The following PTPRE variants were observed in gnomAD, a reference collection of about 807,000 sequenced individuals.
PTPRE encodes protein tyrosine phosphatase receptor type E, also known as receptor-type tyrosine-protein phosphatase epsilon.
A neutral mutation model predicts 102.0 loss-of-function variants in PTPRE; 51 were observed. That is an observed-to-expected ratio of 0.50 (90% confidence interval 0.40 to 0.63). The LOEUF (loss-of-function observed/expected upper bound fraction) is 0.63. Among genes scored for constraint, PTPRE ranks in the 30% least tolerant of loss-of-function variants. The pLI, the probability that PTPRE is intolerant of heterozygous loss-of-function variation, is 0.00. For synonymous variants in PTPRE, 345 were observed against 348.2 expected (o/e 0.99, Z 0.10); for missense variants, 752 against 915.1 (o/e 0.82, Z 2.30).
chr10:128,025,226 CTT>C (rs1399376132), intron 2 of PTPRE, among the ~76,000 whole-genome samples: 8 of 149,720 alleles, frequency 5.3e-5, no homozygotes, highest in Non-Finnish European at 1.2e-4. Flanking sequence ...ATTGTTAACT[CTT>C]AGACATAATG....
intron 1 of PTPRE, among the ~76,000 whole-genome samples, chr10:127,922,374 C>T (rs550076259): frequency 6.6e-4 from 101 of 152,364 alleles, no homozygotes; most frequent in South Asian, 1.2e-3. Flanking sequence ...GAGGCAGTCC[C>T]GTAAGGGGCT....
chr10:127,999,512 C>A (rs953840158), intron 2 of PTPRE: 1 of 985,270 alleles, frequency 1.0e-6, no homozygotes, highest in Non-Finnish European at 1.2e-6. Flanking sequence ...CTGTTCCTCT[C>A]CGAGCTCAGT....
chr10:128,075,691 A>C (rs1851162009), intron 17 of PTPRE, among the ~76,000 whole-genome samples: 1 of 152,228 alleles, frequency 6.6e-6, no homozygotes, highest in African/African-American at 2.4e-5. Flanking sequence ...TGGTATTCTC[A>C]AGGTGTCCTA....
At chr10:127,993,603 G>C (rs546736083) in intron 2 of PTPRE, among the ~76,000 whole-genome samples, 1 of 152,216 alleles carries the variant, frequency 6.6e-6, no homozygotes, top group Non-Finnish European at 1.5e-5. Flanking sequence ...CGTGGAAGAA[G>C]GGGGAGTAGG....
chr10:128,071,879 C>T (rs1850800085), intron 15 of PTPRE: 4 of 369,286 alleles, frequency 1.1e-5, no homozygotes, highest in South Asian at 4.4e-5. Context: ...ATTTTTAGTG[C>T]TTGTATTTTG....
intron 1 of PTPRE, among the ~76,000 whole-genome samples, chr10:127,975,769 C>A (rs1375478732): frequency 2.0e-5 from 3 of 152,172 alleles, no homozygotes; most frequent in Admixed American, 2.0e-4. Context: ...GTCCTGAATA[C>A]ATTTCAGAGT....
chr10:128,058,248 C>T (rs1425744291), intron 7 of PTPRE, among the ~76,000 whole-genome samples: 1 of 152,202 alleles, frequency 6.6e-6, no homozygotes, highest in Non-Finnish European at 1.5e-5. Context: ...ACCTGGGAGT[C>T]CCCCACCTGG....
At chr10:128,052,929 G>T (rs1848665587) in intron 6 of PTPRE, among the ~76,000 whole-genome samples, 1 of 152,196 alleles carries the variant, frequency 6.6e-6, no homozygotes, top group Admixed American at 6.5e-5. Context: ...GAGAGAGAAA[G>T]GAACGTGGCT....
chr10:128,007,445 G>A (rs1055765041), intron 2 of PTPRE, among the ~76,000 whole-genome samples: 1 of 152,172 alleles, frequency 6.6e-6, no homozygotes, highest in Non-Finnish European at 1.5e-5. Flanking sequence ...TTGGGTAGGG[G>A]GAGGAGTTAA....
At position 128,077,698 on chromosome 10, in the gene PTPRE, G is replaced by A. The variant is rs376366402; in HGVS notation, c.1807G>A (p.Glu603Lys). 30 of 1,613,798 alleles carry A rather than the reference G, an allele frequency of 1.9e-5. No homozygotes were observed. The highest frequency in any genetic ancestry group is 9.9e-5 in the South Asian group (9 of 91,088). ...HGWPEIGIPA[E>K]GKGMIDLIAA... is the part of the protein sequence containing the mutation. ...CTGGCCTGAGATCGGGATTCCCGCC[G>A]AGGGCAAAGGCATGATTGACCTCAT... Residue 603 changes from glutamate to lysine, a missense_variant, in exon 19 of 21, where the codon GAG (glutamate) becomes AAG (lysine). Glu to Lys is a moderately conservative substitution (Grantham distance 56). Coordinates refer to ENST00000254667, the MANE Select transcript of PTPRE (RefSeq NM_006504.6).
Position 128,070,531 on chromosome 10 carries a change from C to G in PTPRE, c.1293+81C>G, listed in dbSNP as rs1375964575. The stretch of plus-strand genomic sequence containing the variant: ...AAAACAGGTGACCATTTAAAGGAAG[C>G]CTCTTTCAATCACTTGCCCCTTAAC... On this transcript the variant is annotated intron_variant, in intron 14 of 20. Transcript: ENST00000254667. This position sits in a 1 kb window ranked among gnomAD's most constrained non-coding sequence, Gnocchi z 4.8. 19 of 1,512,834 alleles carry G rather than the reference C, an allele frequency of 1.3e-5. No individual in the cohort carries two copies. In the South Asian group the frequency reaches 1.7e-4, roughly 13 times the overall value. The allele number at this position is 1,512,834 out of a possible 1,614,324, so 93.7% of individuals were successfully genotyped here. A position where few individuals can be genotyped will look rare whatever the true frequency, so the allele number is the denominator to read the frequency against.
chr10:127,997,568 G>A (rs1023744997), intron 2 of PTPRE, among the ~76,000 whole-genome samples: 1 of 152,138 alleles, frequency 6.6e-6, no homozygotes, highest in Non-Finnish European at 1.5e-5. Context: ...TTCACAAATC[G>A]GAGACCTTAG....
chr10:128,078,657 G>T (rs1851435380), intron 19 of PTPRE, among the ~76,000 whole-genome samples: 1 of 152,192 alleles, frequency 6.6e-6, no homozygotes, highest in South Asian at 2.1e-4. Context: ...CCCCACCGGG[G>T]TGCACTCCTG....
chr10:127,961,128 G>A (rs1392130937), intron 1 of PTPRE, among the ~76,000 whole-genome samples: 1 of 152,168 alleles, frequency 6.6e-6, no homozygotes, highest in African/African-American at 2.4e-5. Context: ...CAGAGCCGGG[G>A]CTTTGCGAGG....
intron 2 of PTPRE, among the ~76,000 whole-genome samples, chr10:128,026,844 G>A (rs946077512): frequency 2.6e-5 from 4 of 152,126 alleles, no homozygotes; most frequent in Non-Finnish European, 4.4e-5. Context: ...TACCATTAAG[G>A]GTTTTTTATT....
At position 128,082,195 on chromosome 10, in the gene PTPRE, C is replaced by CTTTTTTTTTTT. The variant is rs35709074; in HGVS notation, c.2029-619_2029-609dup. 1.5e-4 allele frequency among the ~76,000 whole-genome samples: 13 copies of CTTTTTTTTTTT among 89,032 alleles called. 1 individual carries two copies. Among genetic ancestry groups the CTTTTTTTTTTT allele is most frequent in the African/African-American group, 4.1e-4 (9 of 21,958 alleles). 58.4% of individuals were successfully genotyped at this position (89,032 alleles called of 152,430 possible). ...TTAGTACTCTGATTTTTTTCTCTTT[C>CTTTTTTTTTTT]TTTTTTTTTTTTTTTTTTTTTTTTT... is the stretch of plus-strand genomic sequence containing the variant. On this transcript the variant is annotated intron_variant, in intron 20 of 20. Coordinates refer to ENST00000254667, the MANE Select transcript of PTPRE (RefSeq NM_006504.6).
intron 6 of PTPRE, among the ~76,000 whole-genome samples, chr10:128,050,304 C>G (rs1312176017): frequency 3.7e-5 from 4 of 109,132 alleles, no homozygotes; most frequent in African/African-American, 1.1e-4. Context: ...TGAATGAATG[C>G]ATGGATGGAT....
At chr10:127,960,946 G>A (rs1174607162) in intron 1 of PTPRE, among the ~76,000 whole-genome samples, 17 of 151,772 alleles carry the variant, frequency 1.1e-4, no homozygotes, top group East Asian at 3.9e-4. Context: ...GCGTGAACCC[G>A]GGAGGCAGAG....
intron 2 of PTPRE, among the ~76,000 whole-genome samples, chr10:128,000,312 G>A (rs1046198221): frequency 6.6e-6 from 1 of 152,166 alleles, no homozygotes; most frequent in Non-Finnish European, 1.5e-5. Flanking sequence ...TAAGCAAACA[G>A]AACACCCTTA....
Sources: gnomAD v4.1 joint callset for allele counts (sites outside exome capture counted in the v4.1 genomes callset) on GRCh38, gnomAD v4.1.1 for gene constraint, Gnocchi (gnomAD v3.1) non-coding constraint, MANE v1.5 for transcripts, NCBI Gene and HGNC (gene_info 2026-07-23, HGNC 2026-07-21) for gene names.